The following HTT variants were observed in gnomAD, a reference collection of about 807,000 sequenced individuals.
HTT encodes the protein huntington disease protein.
A neutral mutation model predicts 362.3 loss-of-function variants in HTT; 104 were observed. That is an observed-to-expected ratio of 0.29 (90% CI 0.24 to 0.34). HTT has a LOEUF of 0.34. HTT is among the 10% of genes least tolerant of loss of function. The pLI, the probability that HTT is intolerant of heterozygous loss-of-function variation, is 1.00. For synonymous variants in HTT, 1,577 were observed against 1,548.7 expected (o/e 1.02, Z -0.43); for missense variants, 3,301 against 3,928.6 (o/e 0.84, Z 4.27).
intron 28 of HTT, among the ~76,000 whole-genome samples, chr4:3,158,016 A>G (rs1417572810): frequency 2.7e-5 from 4 of 149,478 alleles, no homozygotes; most frequent in Non-Finnish European, 5.9e-5. Flanking sequence ...TTTTTTAGAC[A>G]GAGTCTTGCT....
At chr4:3,226,525 C>T (rs1239234527) in intron 57 of HTT, among the ~76,000 whole-genome samples, 1 of 152,176 alleles carries the variant, frequency 6.6e-6, no homozygotes, top group Admixed American at 6.5e-5. Flanking sequence ...TGGCACATGG[C>T]GTGGAGCCCT....
Position 3,099,383 on chromosome 4 carries a change from A to G in HTT, c.457A>G (p.Lys153Glu). Residue 153 changes from lysine to glutamate, a missense_variant, in exon 3 of 67, where the codon AAA becomes GAA. Transcript: ENST00000355072. Reference protein sequence around the residue: ...VRMVADECLNKVIKALMDSNL... With the variant: ...VRMVADECLNEVIKALMDSNL... ...GATGGTGGCTGACGAATGCCTCAAC[A>G]AAGTTATCAAAGTAAGAACCGTGTG... 1 of 1,613,994 alleles carries G rather than the reference A, an allele frequency of 6.2e-7. No individual in the cohort carries two copies. Among genetic ancestry groups the G allele is most frequent in the Non-Finnish European group, 8.5e-7 (1 of 1,179,824 alleles).
intron 26 of HTT, among the ~76,000 whole-genome samples, chr4:3,151,967 G>A: frequency 6.6e-6 from 1 of 151,996 alleles, no homozygotes; most frequent in Non-Finnish European, 1.5e-5. Context: ...TCATTCTGTT[G>A]CCCAGCTTGG....
At chr4:3,092,631 C>T (rs1010073061) in intron 2 of HTT, among the ~76,000 whole-genome samples, 9 of 152,220 alleles carry the variant, frequency 5.9e-5, no homozygotes, top group Admixed American at 2.0e-4. Flanking sequence ...ATCCTCCCAC[C>T]TTGGCCTCCC....
intron 61 of HTT, among the ~76,000 whole-genome samples, chr4:3,234,861 C>T (rs759206257): frequency 5.3e-5 from 8 of 152,134 alleles, no homozygotes; most frequent in African/African-American, 1.2e-4. Flanking sequence ...TGGGGAAGGC[C>T]GGCGCTGTCG....
At chr4:3,126,565 AAT>A (rs1214207550) in intron 11 of HTT, among the ~76,000 whole-genome samples, 5 of 150,632 alleles carry the variant, frequency 3.3e-5, no homozygotes, top group Non-Finnish European at 7.3e-5. Flanking sequence ...ACAAAATAAA[AAT>A]AGATTTTTTT....
At chr4:3,154,718 C>T (rs1717060591) in intron 27 of HTT, among the ~76,000 whole-genome samples, 1 of 152,194 alleles carries the variant, frequency 6.6e-6, no homozygotes, top group Non-Finnish European at 1.5e-5. Context: ...CAGGTGATGG[C>T]TGGAGAGGCC....
At chr4:3,239,803 AT>A in intron 66 of HTT, 42 bp from the exon 67 acceptor site, 1 of 1,360,708 alleles carries the variant, frequency 7.3e-7, no homozygotes, top group Non-Finnish European at 1.0e-6. Context: ...GGGAGGCAGC[AT>A]TCCCCTCATT....
At chr4:3,212,522 G>C (rs1425112030) in intron 48 of HTT, 42 bp from the exon 49 acceptor site, 1 of 1,600,032 alleles carries the variant, frequency 6.2e-7, no homozygotes, top group South Asian at 1.1e-5. Context: ...TGATGCATCT[G>C]TGCTCACGTT....
At chr4:3,219,583 A>G (rs1202597048) in intron 52 of HTT, among the ~76,000 whole-genome samples, 6 of 152,190 alleles carry the variant, frequency 3.9e-5, no homozygotes, top group Non-Finnish European at 8.8e-5. Context: ...CTTTGTGCAG[A>G]TGGGCTGTGG....
At chr4:3,149,294 C>CTTTT (rs1029468563) in intron 26 of HTT, among the ~76,000 whole-genome samples, 1 of 130,882 alleles carries the variant, frequency 7.6e-6, no homozygotes, top group African/African-American at 2.9e-5. Context: ...AGTTCACATA[C>CTTTT]TTTTTTTTTT....
At position 3,227,089 on chromosome 4, in the gene HTT, G is replaced by A. The variant is rs183613186; in HGVS notation, c.7848+1346G>A. Among the ~76,000 whole-genome samples, 747 of 152,332 alleles carry A rather than the reference G, an allele frequency of 4.9e-3. 3 individuals are homozygous for A. The highest frequency in any genetic ancestry group is 6.8e-3 in the Middle Eastern group (2 of 294). The stretch of plus-strand genomic sequence containing the variant: ...GTCCTGGGCCCAGGGACACTGGTCT[G>A]TGCCCGAGGTATTCCCTATCCCCCC... On this transcript the variant is annotated intron_variant, in intron 57 of 66. Transcript: ENST00000355072.
chr4:3,091,933 A>G (rs925569014), intron 2 of HTT, among the ~76,000 whole-genome samples: 1 of 152,192 alleles, frequency 6.6e-6, no homozygotes, highest in African/African-American at 2.4e-5. Flanking sequence ...GTGTGTAATG[A>G]TATTGGTGCA....
At chr4:3,201,160 C>T (rs1719513772) in intron 41 of HTT, among the ~76,000 whole-genome samples, 1 of 152,240 alleles carries the variant, frequency 6.6e-6, no homozygotes, top group South Asian at 2.1e-4. Flanking sequence ...AATTCTGTGA[C>T]TGTTTCGTGA....
chr4:3,096,799 G>A (rs1042359884), intron 2 of HTT, among the ~76,000 whole-genome samples: 1 of 152,182 alleles, frequency 6.6e-6, no homozygotes, highest in African/African-American at 2.4e-5. Flanking sequence ...TTGGAAACTT[G>A]AAAATGACAA....
chr4:3,193,873 G>A (rs997108439), intron 40 of HTT, among the ~76,000 whole-genome samples: 3 of 152,188 alleles, frequency 2.0e-5, no homozygotes, highest in Non-Finnish European at 2.9e-5. Flanking sequence ...GAGGGCACGT[G>A]GGTTTCCTGC....
chr4:3,120,644 G>A (rs190639100), intron 8 of HTT, among the ~76,000 whole-genome samples: 1 of 152,312 alleles, frequency 6.6e-6, no homozygotes, highest in East Asian at 1.9e-4. Context: ...CATGTGAGGG[G>A]TCTAGGTTGT....
chr4:3,148,438 G>A (rs536306754), intron 26 of HTT, among the ~76,000 whole-genome samples: 2 of 152,198 alleles, frequency 1.3e-5, no homozygotes, highest in South Asian at 4.1e-4. Flanking sequence ...GATCACTTGA[G>A]GCCAAGAGTT....
chr4:3,151,068 AC>A (rs923744354), intron 26 of HTT, among the ~76,000 whole-genome samples: 1 of 151,100 alleles, frequency 6.6e-6, no homozygotes, highest in Non-Finnish European at 1.5e-5. Context: ...AAAAAAAAAA[AC>A]CAGGCTGCAC....
Sources: gnomAD v4.1 joint callset for allele counts (sites outside exome capture counted in the v4.1 genomes callset) on GRCh38, gnomAD v4.1.1 for gene constraint, MANE v1.5 for transcripts, NCBI Gene and HGNC (gene_info 2026-07-23, HGNC 2026-07-21) for gene names.